SUN1: variants seen among roughly 807,000 people sequenced by gnomAD.
SUN1 encodes the protein Sad1 and UNC84 domain containing 1.
In SUN1, 61 loss-of-function variants were observed where a neutral mutation model predicts 103.2. The observed-to-expected ratio is 0.59, with a 90% CI of 0.48 to 0.73. The LOEUF (loss-of-function observed/expected upper bound fraction) is 0.73. Among genes scored for constraint, SUN1 ranks in the 30% least tolerant of loss-of-function variants. SUN1 has a pLI of 0.00. For synonymous variants in SUN1, 490 were observed against 425.7 expected (o/e 1.15, Z -1.86); for missense variants, 1,052 against 1,034.6 (o/e 1.02, Z -0.23).
chr7:861,290 TA>T, intron 14 of SUN1, 89 bp from the exon 15 acceptor site: 1 of 1,277,022 alleles, frequency 7.8e-7, no homozygotes, highest in Non-Finnish European at 1.1e-6. Context: ...TGCTCTAATG[TA>T]AGTGTCTGGT....
At position 832,610 on chromosome 7, in the gene SUN1, G is replaced by A; in HGVS notation, c.77+9G>A. 6.2e-7 allele frequency: 1 copy of A among 1,606,130 alleles called. No homozygotes were observed. The highest frequency in any genetic ancestry group is 2.2e-5 in the East Asian group (1 of 44,658). ...TACACGTATGCGCTCAGGTGAGTGT[G>A]CACCTGCACGTGGGGTCCTGGCCTT... On this transcript the variant is annotated intron_variant, in intron 1 of 18. Coordinates refer to ENST00000401592, the MANE Select transcript of SUN1 (RefSeq NM_001130965.3).
intron 5 of SUN1, among the ~76,000 whole-genome samples, chr7:847,508 G>A (rs192124707): frequency 2.5e-3 from 221 of 88,928 alleles, no homozygotes; most frequent in Middle Eastern, 9.3e-3. Context: ...GTGCGCCAGC[G>A]GAGTTGGCGG....
chr7:826,185 C>T (rs906460791), intron 1 of SUN1, among the ~76,000 whole-genome samples: 1 of 152,152 alleles, frequency 6.6e-6, no homozygotes, highest in Non-Finnish European at 1.5e-5. Flanking sequence ...TGTGATCACG[C>T]CCCTGGCACT....
chr7:817,504 G>A lies in SUN1; in HGVS notation c.-74+831G>A, dbSNP rs529017413. The A allele has an allele frequency of 2.0e-5, 30 of 1,536,076 alleles. No individual in the cohort carries two copies. The African/African-American group carries it at 4.0e-4, about 20-fold the overall frequency. ...CCCCAGGGCTCCCCAGGACAGGTGG[G>A]CGGTGCGGTCCGAGGTCTCTGCTCT... On this transcript the variant is annotated intron_variant, in intron 1 of 17. Transcript: ENST00000389574.
At chr7:848,653 A>T (rs75133066) in intron 5 of SUN1, 225,286 of 1,280,932 alleles carry the variant, frequency 0.18, 20,719 homozygotes, top group South Asian at 0.24. Flanking sequence ...TCCACCAATC[A>T]CACTTTCGCA....
At position 874,573 on chromosome 7, in the gene SUN1, G is replaced by A. The variant is rs140067957; in HGVS notation, c.*1242G>A. On this transcript the variant is annotated 3_prime_UTR_variant, in exon 19 of 19. Transcript: ENST00000401592. ...CACAACAGTCCTCAAATACACTGATGTATGAAACTATTCATACATCAAGCA... is the reference window on the plus strand; with the variant it reads ...CACAACAGTCCTCAAATACACTGATATATGAAACTATTCATACATCAAGCA... The A allele has an allele frequency of 6.2e-4, 95 of 152,610 alleles. No individual in the cohort carries two copies. The highest frequency in any genetic ancestry group is 1.9e-3 in the African/African-American group (79 of 41,542). 9.5% of individuals were successfully genotyped at this position (152,610 alleles called of 1,614,324 possible).
At chr7:848,289 TC>T (rs1818494508) in intron 5 of SUN1, 1 of 824,034 alleles carries the variant, frequency 1.2e-6, no homozygotes, top group Non-Finnish European at 1.8e-6. Flanking sequence ...GCTGGGCTCT[TC>T]CCCAAGTGAT....
At position 826,291 on chromosome 7, in the gene SUN1, C is replaced by CGTTTGACAACCCCAGTCTGGGGTG. The variant is rs146695900; in HGVS notation, c.-74+9630_-74+9631insCAGTCTGGGGTGGTTTGACAACCC. Among the ~76,000 whole-genome samples, 63 of 151,376 alleles carry CGTTTGACAACCCCAGTCTGGGGTG rather than the reference C, an allele frequency of 4.2e-4. 1 individual carries two copies. In the East Asian group the frequency reaches 9.6e-3, roughly 23 times the overall value. On this transcript the variant is annotated intron_variant, in intron 1 of 17. Transcript: ENST00000389574. ...AACTGCCTGATGTCAGGCTAGCTGC[C>CGTTTGACAACCCCAGTCTGGGGTG]GTTTGACAACCCTGGTCTGGGGTGC... is the stretch of plus-strand genomic sequence containing the variant.
intron 5 of SUN1, chr7:850,190 G>T: frequency 7.3e-6 from 5 of 683,220 alleles, no homozygotes; most frequent in Non-Finnish European, 1.2e-5. Context: ...AATCTCTCTC[G>T]AAAAGCTCCC....
Position 857,899 on chromosome 7 carries a change from T to C in SUN1, c.1466T>C (p.Leu489Pro). 1.9e-6 allele frequency: 3 copies of C among 1,603,524 alleles called. No homozygotes were observed. Among genetic ancestry groups the C allele is most frequent in the Non-Finnish European group, 1.7e-6 (2 of 1,171,454 alleles). Residue 489 changes from leucine (L) to proline (P), a missense_variant, in exon 13 of 19, where the codon CTG becomes CCG. Physicochemically the swap from Leu to Pro is moderately conservative, Grantham distance 98. Transcript: ENST00000401592. ...QLELDQLKSE[L>P]SSWRHVKTGC... ...GAGCTGGATCAGCTAAAGTCAGAGC[T>C]GTCCAGCTGGCGACACGTGAAGACC...
rs1554263306 is a variant in SUN1, at chr7:850,775, A to AAAAC, written c.659-606_659-605insCAAA. The AAAAC allele has an allele frequency of 9.4e-5, 14 of 148,630 alleles. No individual in the cohort carries two copies. The East Asian group carries it at 1.4e-3, about 14-fold the overall frequency. The allele number at this position is 148,630 out of a possible 1,614,324, so 9.2% of individuals were successfully genotyped here. On this transcript the variant is annotated intron_variant, in intron 5 of 18. Coordinates refer to ENST00000401592, the MANE Select transcript of SUN1 (RefSeq NM_001130965.3). ...AACCCTGTCTCTTAAATTAAAAAAA[A>AAAAC]AAAAAAACAAAAAAAAACTGGAACA...
chr7:855,204 C>G (rs7810182), intron 11 of SUN1, among the ~76,000 whole-genome samples, 198 bp downstream of exon 11: 16 of 152,082 alleles, frequency 1.1e-4, no homozygotes, highest in African/African-American at 1.7e-4. Flanking sequence ...GTGTAACTCA[C>G]GCATCCCCGT....
chr7:838,985 A>G lies in SUN1; in HGVS notation c.265A>G (p.Arg89Gly). ...SAVSLKNRAA[R>G]TTKQRRSTNK... The stretch of plus-strand genomic sequence containing the variant: ...TGTCTCCCTGAAGAACCGAGCGGCC[A>G]GGTGAGCACCGCTGCACTTCCTCTC... Residue 89 changes from arginine (R) to glycine (G), a missense_variant and splice_region_variant, in exon 2 of 19, where the codon AGA becomes GGA. Arg to Gly is a moderately radical substitution (Grantham distance 125). This residue lies in a region of SUN1 where 846 missense variants were observed against 774.5 expected (regional missense o/e 1.09). Coordinates refer to ENST00000401592, the MANE Select transcript of SUN1 (RefSeq NM_001130965.3). 4 of 1,571,238 alleles carry G rather than the reference A, an allele frequency of 2.5e-6. No individual in the cohort carries two copies. The highest frequency in any genetic ancestry group is 2.6e-6 in the Non-Finnish European group (3 of 1,159,806).
Position 857,969 on chromosome 7 carries a change from G to A in SUN1, c.1524+12G>A. The stretch of plus-strand genomic sequence containing the variant: ...CCGTACAAGAAAGAGTGAGCTTTCT[G>A]CATGTTTACTTTTTGTTTTATAATA... On this transcript the variant is annotated intron_variant, in intron 13 of 18. Coordinates refer to ENST00000401592, the MANE Select transcript of SUN1 (RefSeq NM_001130965.3). 1 of 1,541,070 alleles carries A rather than the reference G, an allele frequency of 6.5e-7. No homozygotes were observed. The highest frequency in any genetic ancestry group is 1.4e-5 in the African/African-American group (1 of 72,568).
chr7:816,622 C>T (rs1243549936), exon 1 of SUN1: 2 of 383,354 alleles, frequency 5.2e-6, no homozygotes, highest in Admixed American at 3.1e-5. Context: ...GGCAGAGCGT[C>T]TTCTCGGGCC....
chr7:843,145 C>G, intron 3 of SUN1, 61 bp from the exon 4 acceptor site: 4 of 1,592,966 alleles, frequency 2.5e-6, no homozygotes, highest in African/African-American at 1.4e-5. Flanking sequence ...GGGTTTTGTT[C>G]TTATTTGATA....
At position 841,968 on chromosome 7, in the gene SUN1, A is replaced by T. The variant is rs536026654; in HGVS notation, c.289A>T (p.Thr97Ser). 2.7e-5 allele frequency: 43 copies of T among 1,614,198 alleles called. 1 individual carries two copies. In the African/African-American group the frequency reaches 4.3e-4, roughly 16 times the overall value. ...TAGAACAACAAAACAGCGCAGAAGC[A>T]CAAACAAATCAGCTTTTAGTATCAA... is the stretch of plus-strand genomic sequence containing the variant. ...AARTTKQRRS[T>S]NKSAFSINHV... is the part of the protein sequence containing the mutation. Residue 97 changes from threonine to serine, a missense_variant, in exon 3 of 19, where the codon ACA (threonine) becomes TCA (serine). Thr to Ser is a moderately conservative substitution (Grantham distance 58). Coordinates refer to ENST00000401592, the MANE Select transcript of SUN1 (RefSeq NM_001130965.3).
chr7:838,681 T>C, intron 1 of SUN1, 117 bp from the exon 2 acceptor site: 1 of 1,067,714 alleles, frequency 9.4e-7, no homozygotes, highest in African/African-American at 1.6e-5. Context: ...TGTCACCCAG[T>C]AATAGTTGCT....
intron 1 of SUN1, among the ~76,000 whole-genome samples, chr7:820,008 G>A (rs1306871015): frequency 1.3e-5 from 2 of 152,120 alleles, no homozygotes; most frequent in Admixed American, 6.5e-5. Flanking sequence ...CTAGGAAGTC[G>A]GGGTCCTCCA....
Sources: allele counts gnomAD v4.1 joint callset (sites outside exome capture counted in the v4.1 genomes callset), GRCh38; gene constraint gnomAD v4.1.1; regional missense constraint gnomAD v4.1.1; transcripts MANE v1.5; gene names NCBI Gene and HGNC (gene_info 2026-07-23, HGNC 2026-07-21).